HLCS: variants seen among roughly 807,000 people sequenced by gnomAD.
HLCS encodes the protein holocarboxylase synthetase, also known as biotin--protein ligase.
A neutral mutation model predicts 75.0 loss-of-function variants in HLCS; 53 were observed. That is an observed-to-expected ratio of 0.71 (90% CI 0.57 to 0.89). HLCS has a LOEUF of 0.89. HLCS is among the 40% of genes least tolerant of loss of function. HLCS has a pLI of 0.00. For synonymous variants in HLCS, 431 were observed against 428.6 expected (o/e 1.01, Z -0.07); for missense variants, 966 against 1,074.0 (o/e 0.90, Z 1.41).
intron 6 of HLCS, among the ~76,000 whole-genome samples, chr21:36,882,892 C>T (rs1271312121): frequency 6.6e-6 from 1 of 152,160 alleles, no homozygotes; most frequent in Admixed American, 6.5e-5. Flanking sequence ...CAGGTACAGA[C>T]TTCCCCATCA....
intron 9 of HLCS, among the ~76,000 whole-genome samples, chr21:36,758,294 G>A (rs2089683801): frequency 6.6e-6 from 1 of 152,054 alleles, no homozygotes; most frequent in South Asian, 2.1e-4. Flanking sequence ...TTTTAGTGGA[G>A]ACAGGGTTTC....
chr21:36,834,262 A>G (rs1374256839), intron 6 of HLCS, among the ~76,000 whole-genome samples: 1 of 152,236 alleles, frequency 6.6e-6, no homozygotes, highest in Admixed American at 6.5e-5. Flanking sequence ...TGAGGTAATG[A>G]GGTTCCAGAT....
At chr21:36,911,325 C>T (rs1447496128) in intron 5 of HLCS, among the ~76,000 whole-genome samples, 1 of 152,164 alleles carries the variant, frequency 6.6e-6, no homozygotes, top group African/African-American at 2.4e-5. Context: ...TGGAACCCAT[C>T]CAGCCATCCT....
chr21:36,754,258 G>T lies in HLCS; in HGVS notation c.2610C>A (p.Pro870=), dbSNP rs774549376. Residue 870 remains proline, a synonymous_variant, in exon 11 of 11, where the codon CCC becomes CCA. Coordinates refer to ENST00000674895, the MANE Select transcript of HLCS (RefSeq NM_001352514.2). Reference sequence around the variant, plus strand: ...GGGACGCCCGGCATTACCGCCGTTTGGGGAGGATGAGGTTTCTCAGCATGT... The same window carrying T: ...GGGACGCCCGGCATTACCGCCGTTTTGGGAGGATGAGGTTTCTCAGCATGT... ...SFDMLRNLIL[P]KRR is the part of the protein sequence containing the mutation. 3 of 1,614,040 alleles carry T rather than the reference G, an allele frequency of 1.9e-6. No individual in the cohort carries two copies. Among genetic ancestry groups the T allele is most frequent in the Non-Finnish European group, 2.5e-6 (3 of 1,180,016 alleles).
At chr21:36,869,422 G>A (rs540542096) in intron 6 of HLCS, among the ~76,000 whole-genome samples, 21 of 152,242 alleles carry the variant, frequency 1.4e-4, no homozygotes, top group African/African-American at 4.3e-4. Context: ...GTGAGCCACC[G>A]TGCCCAGCCC....
chr21:36,953,042 C>CA (rs1449101974), intron 2 of HLCS, among the ~76,000 whole-genome samples: 1 of 152,160 alleles, frequency 6.6e-6, no homozygotes, highest in Non-Finnish European at 1.5e-5. Flanking sequence ...GGCTATGTGA[C>CA]AAAGTTCTGT....
At chr21:36,857,276 A>G (rs977214489) in intron 6 of HLCS, among the ~76,000 whole-genome samples, 1 of 152,226 alleles carries the variant, frequency 6.6e-6, no homozygotes, top group Non-Finnish European at 1.5e-5. Context: ...AAAGGAGAAC[A>G]TGAACAAACC....
intron 1 of HLCS, chr21:36,980,913 C>A (rs987579001): frequency 2.0e-5 from 3 of 153,048 alleles, no homozygotes; most frequent in African/African-American, 7.2e-5. Context: ...CTGCACAGCG[C>A]ACTTCCCGCT....
At chr21:36,929,454 T>TA (rs1410437823) in intron 5 of HLCS, among the ~76,000 whole-genome samples, 1 of 152,246 alleles carries the variant, frequency 6.6e-6, no homozygotes, top group Non-Finnish European at 1.5e-5. Flanking sequence ...GGACACAGTG[T>TA]AACACAAAAG....
At position 36,985,393 on chromosome 21, in the gene HLCS, G is replaced by C. The variant is rs534141660; in HGVS notation, c.-393+4765C>G. Among the ~76,000 whole-genome samples, 5 of 152,374 alleles carry C rather than the reference G, an allele frequency of 3.3e-5. No homozygotes were observed. In the South Asian group the frequency reaches 1.0e-3, roughly 32 times the overall value. The stretch of plus-strand genomic sequence containing the variant: ...CACGCCTGTAATCCCAGCACTTTGG[G>C]AGGCCAAGGCGGGCGGATCACTTGA... On this transcript the variant is annotated intron_variant, in intron 1 of 11. Transcript: ENST00000336648.
chr21:36,771,249 T>TAAATAAATAAATAAATAAATAA (rs1369792062), intron 6 of HLCS, among the ~76,000 whole-genome samples: 157 of 134,916 alleles, frequency 1.2e-3, no homozygotes, highest in African/African-American at 4.9e-3. Context: ...TAAATAAATA[T>TAAATAAATAAATAAATAAATAA]AAAATAAAAT....
intron 1 of HLCS, among the ~76,000 whole-genome samples, chr21:36,984,190 T>C (rs558973064): frequency 1.4e-5 from 2 of 146,420 alleles, no homozygotes; most frequent in South Asian, 4.5e-4. Flanking sequence ...AAGGAACATA[T>C]TAAGCAAACT....
At chr21:36,773,332 C>T (rs117928494) in intron 6 of HLCS, among the ~76,000 whole-genome samples, 2,707 of 152,318 alleles carry the variant, frequency 0.018, 47 homozygotes, top group Non-Finnish European at 0.024. Flanking sequence ...CATTCCCTGC[C>T]GCACAGGCCA....
intron 6 of HLCS, among the ~76,000 whole-genome samples, chr21:36,802,520 A>G (rs76516632): frequency 2.0e-5 from 3 of 152,210 alleles, no homozygotes; most frequent in East Asian, 1.9e-4. Flanking sequence ...TTAGTCAATA[A>G]AAAAAGTTGA....
intron 6 of HLCS, among the ~76,000 whole-genome samples, chr21:36,856,266 G>A (rs2063189978): frequency 6.6e-6 from 1 of 152,226 alleles, no homozygotes; most frequent in South Asian, 2.1e-4. Context: ...TTAAAGTATT[G>A]GTCAAATTTG....
chr21:36,761,468 C>T lies in HLCS; in HGVS notation c.2122-1627G>A, dbSNP rs574177546. On this transcript the variant is annotated intron_variant, in intron 8 of 10. Coordinates refer to ENST00000674895, the MANE Select transcript of HLCS (RefSeq NM_001352514.2). ...CTAAGTAAACCAAGCATGGGGGGTGCGCAATGACCCAGAACTGATCAACAG... is the reference window on the plus strand; with the variant it reads ...CTAAGTAAACCAAGCATGGGGGGTGTGCAATGACCCAGAACTGATCAACAG... Among the ~76,000 whole-genome samples, 4 of 152,078 alleles carry T rather than the reference C, an allele frequency of 2.6e-5. No homozygotes were observed. The East Asian group carries it at 5.8e-4, about 22-fold the overall frequency.
intron 5 of HLCS, among the ~76,000 whole-genome samples, chr21:36,903,135 T>A (rs1463105196): frequency 6.6e-6 from 1 of 152,196 alleles, no homozygotes; most frequent in Non-Finnish European, 1.5e-5. Flanking sequence ...CAAGCTCAAA[T>A]GAGCTACCAA....
intron 6 of HLCS, among the ~76,000 whole-genome samples, chr21:36,776,713 G>A (rs935799024): frequency 2.1e-4 from 32 of 152,184 alleles, no homozygotes; most frequent in African/African-American, 7.2e-4. Flanking sequence ...GCACCCGGCT[G>A]ATATGGCACT....
At chr21:36,966,748 G>T, upstream of HLCS, 1 of 359,878 alleles carries the variant, frequency 2.8e-6, no homozygotes, top group South Asian at 1.1e-4. Context: ...CAGGCGGCGC[G>T]GGGGTGGGGA....
Sources: gnomAD v4.1 joint callset for allele counts (sites outside exome capture counted in the v4.1 genomes callset) on GRCh38, gnomAD v4.1.1 for gene constraint, MANE v1.5 for transcripts, NCBI Gene and HGNC (gene_info 2026-07-23, HGNC 2026-07-21) for gene names.